The following NEBL variants were observed in gnomAD, a reference collection of about 807,000 sequenced individuals.
NEBL encodes the protein LIM and SH3 protein 2.
NEBL carries 122 observed loss-of-function variants against 140.2 expected under a neutral mutation model. That is an observed-to-expected ratio of 0.87 (90% CI 0.75 to 1.01). NEBL has a LOEUF of 1.01. Among genes scored for constraint, NEBL ranks in the 50% least tolerant of loss-of-function variants. NEBL has a pLI of 0.00. For synonymous variants in NEBL, 436 were observed against 398.9 expected (o/e 1.09, Z -1.11); for missense variants, 1,365 against 1,231.3 (o/e 1.11, Z -1.62).
intron 4 of NEBL, among the ~76,000 whole-genome samples, chr10:20,914,907 G>C (rs1221657771): frequency 6.6e-6 from 1 of 151,478 alleles, no homozygotes; most frequent in African/African-American, 2.4e-5. Flanking sequence ...ACCCAGGCCG[G>C]AATGCAGTGG....
At chr10:20,845,891 T>A (rs895735027) in intron 11 of NEBL, among the ~76,000 whole-genome samples, 1 of 152,202 alleles carries the variant, frequency 6.6e-6, no homozygotes, top group African/African-American at 2.4e-5. Flanking sequence ...TTCCCTTTAA[T>A]GATTTTGGAG....
chr10:20,818,001 T>A (rs376906412), intron 20 of NEBL, among the ~76,000 whole-genome samples: 1 of 152,212 alleles, frequency 6.6e-6, no homozygotes, highest in African/African-American at 2.4e-5. Flanking sequence ...AACGCCAGAA[T>A]GAAGTCATTA....
At chr10:20,946,972 C>G (rs563661252) in intron 4 of NEBL, among the ~76,000 whole-genome samples, 6 of 152,226 alleles carry the variant, frequency 3.9e-5, no homozygotes, top group Middle Eastern at 6.8e-3. Context: ...CAGAAACTGA[C>G]TGACTCCAAA....
intron 2 of NEBL, among the ~76,000 whole-genome samples, chr10:21,147,020 A>G (rs1380758487): frequency 6.6e-6 from 1 of 152,190 alleles, no homozygotes; most frequent in Non-Finnish European, 1.5e-5. Context: ...AGATTTCTGA[A>G]GGGCCTGAGG....
At chr10:21,160,754 A>T (rs1840525401) in intron 2 of NEBL, among the ~76,000 whole-genome samples, 2 of 152,156 alleles carry the variant, frequency 1.3e-5, no homozygotes, top group South Asian at 4.1e-4. Context: ...TGAGAAAAGA[A>T]GATTCTTCCA....
At chr10:20,919,079 C>T (rs193274024) in intron 4 of NEBL, among the ~76,000 whole-genome samples, 1 of 151,866 alleles carries the variant, frequency 6.6e-6, no homozygotes, top group Non-Finnish European at 1.5e-5. Context: ...CCTTAAGATG[C>T]AATATGATAA....
At chr10:20,989,207 C>T (rs938427619) in intron 3 of NEBL, among the ~76,000 whole-genome samples, 3 of 152,086 alleles carry the variant, frequency 2.0e-5, no homozygotes, top group South Asian at 2.1e-4. Flanking sequence ...ACTTGTCTCT[C>T]GAGGCAGCCA....
At chr10:20,885,452 C>A (rs559334639) in intron 4 of NEBL, among the ~76,000 whole-genome samples, 1 of 152,274 alleles carries the variant, frequency 6.6e-6, no homozygotes, top group South Asian at 2.1e-4. Flanking sequence ...TACATATGCA[C>A]CTTTCCCAGT....
intron 2 of NEBL, among the ~76,000 whole-genome samples, chr10:21,135,454 C>G (rs1360797861): frequency 6.6e-6 from 1 of 151,878 alleles, no homozygotes; most frequent in African/African-American, 2.4e-5. Flanking sequence ...AAAAATCTGG[C>G]AATGATGCTT....
intron 1 of NEBL, among the ~76,000 whole-genome samples, chr10:21,268,284 T>C (rs1459166608): frequency 1.3e-5 from 2 of 151,912 alleles, no homozygotes; most frequent in African/African-American, 4.8e-5. Context: ...GCCTGCACAA[T>C]AAAGCAAGAC....
At chr10:21,250,877 G>A (rs1403311291) in intron 2 of NEBL, among the ~76,000 whole-genome samples, 1 of 152,146 alleles carries the variant, frequency 6.6e-6, no homozygotes, top group Non-Finnish European at 1.5e-5. Context: ...TGGGCAACAA[G>A]AGCAAGACTC....
chr10:20,821,048 G>C (rs1839262371), intron 19 of NEBL, among the ~76,000 whole-genome samples: 1 of 152,100 alleles, frequency 6.6e-6, no homozygotes, highest in Non-Finnish European at 1.5e-5. Context: ...CCGGGTGATT[G>C]AGCTAAAGGG....
At chr10:20,961,532 G>A (rs1274309542) in intron 4 of NEBL, 1 of 742,636 alleles carries the variant, frequency 1.3e-6, no homozygotes, top group African/African-American at 1.7e-5. Flanking sequence ...TTTACCAGAT[G>A]AAATTGGCAT....
intron 1 of NEBL, among the ~76,000 whole-genome samples, chr10:21,273,632 C>A (rs1842884597): frequency 6.6e-6 from 1 of 152,174 alleles, no homozygotes. Context: ...GAGGATTCTC[C>A]AGGGAAACAC....
At chr10:20,956,255 G>A (rs555009320) in intron 4 of NEBL, among the ~76,000 whole-genome samples, 1 of 152,326 alleles carries the variant, frequency 6.6e-6, no homozygotes, top group East Asian at 1.9e-4. Flanking sequence ...TTCCCGAGGA[G>A]CGGTTGTTCA....
chr10:20,805,398 A>G (rs1323272654), intron 26 of NEBL, among the ~76,000 whole-genome samples: 2 of 152,152 alleles, frequency 1.3e-5, no homozygotes, highest in Non-Finnish European at 2.9e-5. Context: ...TTGTGGGCAC[A>G]TGTCACTTGT....
chr10:21,146,236 C>T, intron 2 of NEBL: 2 of 867,626 alleles, frequency 2.3e-6, no homozygotes, highest in Non-Finnish European at 3.6e-6. Context: ...GTACTCCGTT[C>T]ACCCCTCTTA....
intron 4 of NEBL, among the ~76,000 whole-genome samples, chr10:20,886,743 C>T (rs1251183001): frequency 6.6e-6 from 1 of 152,156 alleles, no homozygotes; most frequent in Non-Finnish European, 1.5e-5. Context: ...CAACTCTAAT[C>T]TGGGGACAGC....
At chr10:20,809,950 G>C in intron 24 of NEBL, 52 bp from the exon 25 acceptor site, 7 of 681,944 alleles carry the variant, frequency 1.0e-5, no homozygotes, top group East Asian at 2.9e-5. Context: ...TTTAAAAAAG[G>C]AAAAAAAAAA....
Sources: gnomAD v4.1 joint callset for allele counts (sites outside exome capture counted in the v4.1 genomes callset) on GRCh38, gnomAD v4.1.1 for gene constraint, MANE v1.5 for transcripts, NCBI Gene and HGNC (gene_info 2026-07-23, HGNC 2026-07-21) for gene names.